XIRP2: variants seen among roughly 807,000 people sequenced by gnomAD.
XIRP2 encodes xin actin binding repeat containing 2, also known as xin actin-binding repeat-containing protein 2.
Under a neutral mutation model 277.0 loss-of-function variants are expected in XIRP2, and 236 were observed. That is an observed-to-expected ratio of 0.85 (90% confidence interval 0.77 to 0.95). The LOEUF (loss-of-function observed/expected upper bound fraction) is 0.95, where lower values mean the gene tolerates loss of function less well. XIRP2 is among the 40% of genes least tolerant of loss of function. The pLI is 0.00. For missense variants in XIRP2, 4,640 were observed against 4,157.5 expected (o/e 1.12, Z -3.19); for synonymous variants, 1,490 against 1,416.5 (o/e 1.05, Z -1.17).
At chr2:167,044,312 C>T (rs1688735759) in intron 2 of XIRP2, among the ~76,000 whole-genome samples, 1 of 152,054 alleles carries the variant, frequency 6.6e-6, no homozygotes, top group Non-Finnish European at 1.5e-5. Flanking sequence ...CAACAGTCAA[C>T]ATCCTACTGA....
At chr2:166,926,942 T>C (rs1416351836) in intron 2 of XIRP2, among the ~76,000 whole-genome samples, 3 of 152,130 alleles carry the variant, frequency 2.0e-5, no homozygotes, top group Non-Finnish European at 2.9e-5. Flanking sequence ...TTTTAAATAG[T>C]CAACTCTCAG....
At chr2:167,019,670 A>T (rs1687929522) in intron 2 of XIRP2, among the ~76,000 whole-genome samples, 1 of 152,112 alleles carries the variant, frequency 6.6e-6, no homozygotes, top group Admixed American at 6.6e-5. Context: ...AGAAGTGGCA[A>T]TGTGGTAAAA....
At chr2:166,963,506 G>A (rs936125631) in intron 2 of XIRP2, among the ~76,000 whole-genome samples, 2 of 151,870 alleles carry the variant, frequency 1.3e-5, no homozygotes, top group Non-Finnish European at 1.5e-5. Context: ...TAAAAATGTG[G>A]AGGAGGAGAG....
At chr2:167,086,871 C>A (rs568350438) in intron 2 of XIRP2, among the ~76,000 whole-genome samples, 1 of 152,104 alleles carries the variant, frequency 6.6e-6, no homozygotes, top group African/African-American at 2.4e-5. Flanking sequence ...TTTTCAACTT[C>A]TTTGCCTTTG....
intron 2 of XIRP2, among the ~76,000 whole-genome samples, chr2:166,932,319 C>T (rs1183685517): frequency 6.6e-6 from 1 of 151,742 alleles, no homozygotes; most frequent in East Asian, 1.9e-4. Context: ...AGGGCTCAAG[C>T]AGTCCTCCCT....
At chr2:167,096,465 GTCTA>G (rs1459154363) in intron 2 of XIRP2, among the ~76,000 whole-genome samples, 1 of 151,830 alleles carries the variant, frequency 6.6e-6, no homozygotes, top group African/African-American at 2.4e-5. Context: ...CTGGTTAGTG[GTCTA>G]TCTATTTTGC....
intron 5 of XIRP2, among the ~76,000 whole-genome samples, chr2:167,229,900 G>A (rs1430186909): frequency 6.6e-6 from 1 of 152,038 alleles, no homozygotes; most frequent in Non-Finnish European, 1.5e-5. Flanking sequence ...TCTTCTGCTA[G>A]GAGCTTTTTC....
Position 166,889,537 on chromosome 2 carries a change from A to C in XIRP2, c.-19+980A>C, listed in dbSNP as rs186126320. The C allele has an allele frequency of 2.0e-5, 3 of 152,476 alleles. No homozygotes were observed. In the East Asian group the frequency reaches 5.8e-4, roughly 30 times the overall value. The allele number at this position is 152,476 out of a possible 1,614,324, so 9.4% of individuals were successfully genotyped here. On this transcript the variant is annotated intron_variant, in intron 1 of 10. Transcript: ENST00000409195. Reference sequence around the variant, plus strand: ...GAGCAACCATGTTCATTTTCCCAACAATGTGGCACCATATTTTGCTTTCCT... The same window carrying C: ...GAGCAACCATGTTCATTTTCCCAACCATGTGGCACCATATTTTGCTTTCCT...
intron 4 of XIRP2, 136 bp from the exon 5 acceptor site, chr2:167,218,030 A>G (rs1272241319): frequency 1.6e-6 from 1 of 642,594 alleles, no homozygotes; most frequent in African/African-American, 1.9e-5. Flanking sequence ...TTAAAGACAT[A>G]CTGAAATAAT....
chr2:167,255,192 G>A (rs1186589537), intron 10 of XIRP2, among the ~76,000 whole-genome samples: 1 of 151,736 alleles, frequency 6.6e-6, no homozygotes, highest in Admixed American at 6.6e-5. Context: ...CCACTCCCAT[G>A]ATTTAAATAA....
intron 2 of XIRP2, among the ~76,000 whole-genome samples, chr2:167,054,612 A>T (rs1688996980): frequency 6.7e-6 from 1 of 149,918 alleles, no homozygotes; most frequent in Non-Finnish European, 1.5e-5. Context: ...TGAGCCTGGG[A>T]GGCTGAGGTT....
intron 3 of XIRP2, among the ~76,000 whole-genome samples, chr2:167,203,876 A>G (rs1693788138): frequency 6.6e-6 from 1 of 152,236 alleles, no homozygotes; most frequent in Non-Finnish European, 1.5e-5. Context: ...GCTATCCTGC[A>G]CACAAATCCA....
chr2:166,920,520 CAT>C (rs1335372767), intron 2 of XIRP2, among the ~76,000 whole-genome samples: 1 of 152,162 alleles, frequency 6.6e-6, no homozygotes, highest in Non-Finnish European at 1.5e-5. Flanking sequence ...CTAAGATACA[CAT>C]GTTTTCATGT....
chr2:166,900,333 TC>T lies in XIRP2; in HGVS notation c.-18-3131del, dbSNP rs1439004105. Among the ~76,000 whole-genome samples, 3 of 152,194 alleles carry T rather than the reference TC, an allele frequency of 2.0e-5. No individual in the cohort carries two copies. In the East Asian group the frequency reaches 5.8e-4, roughly 30 times the overall value. ...AATTCTAGAATTTTAATTCGTTTCTTCTTTGCGTCTTCTATTTGTTTGCTAA... is the reference window on the plus strand; with the variant it reads ...AATTCTAGAATTTTAATTCGTTTCTTTTTGCGTCTTCTATTTGTTTGCTAA... On this transcript the variant is annotated intron_variant, in intron 1 of 10. Coordinates refer to ENST00000409195, the MANE Select transcript of XIRP2 (RefSeq NM_152381.6).
At chr2:167,078,647 T>C (rs1354141603) in intron 2 of XIRP2, among the ~76,000 whole-genome samples, 4 of 151,952 alleles carry the variant, frequency 2.6e-5, no homozygotes, top group African/African-American at 9.7e-5. Context: ...CCATCCTGGC[T>C]AACATGGTGA....
chr2:167,250,916 C>T lies in XIRP2; in HGVS notation c.9524C>T (p.Pro3175Leu), dbSNP rs754527770. The T allele has an allele frequency of 1.2e-6, 2 of 1,613,126 alleles. No individual in the cohort carries two copies. The highest frequency in any genetic ancestry group is 1.3e-5 in the African/African-American group (1 of 74,706). Residue 3175 changes from proline to leucine, a missense_variant, in exon 9 of 11, where the codon CCC (proline) becomes CTC (leucine). Transcript: ENST00000409195. ...AGAGCAAACACTTCCCCTTCTCCAC[C>T]CAGGAGTCGCTCTGAACAACTTGTC... ...IHRANTSPSP[P>L]RSRSEQLVRL...
intron 2 of XIRP2, among the ~76,000 whole-genome samples, chr2:166,971,406 A>T (rs1686574203): frequency 6.6e-6 from 1 of 152,010 alleles, no homozygotes; most frequent in South Asian, 2.1e-4. Context: ...TAAGTAACTT[A>T]TTGGGCCTAT....
rs1257559225 is a variant in XIRP2 at position 167,245,245 on chromosome 2, G to T, written c.3853G>T (p.Asp1285Tyr). Residue 1285 changes from aspartate (D) to tyrosine (Y), a missense_variant, in exon 9 of 11, where the codon GAT becomes TAT. Transcript: ENST00000409195. ...GCFIFETFSLDEIKEESDYIS... is the reference protein window; with the variant it reads ...GCFIFETFSLYEIKEESDYIS... ...CTTTATTTTTGAGACTTTTTCTTTA[G>T]ATGAGATTAAAGAAGAATCTGACTA... The T allele has an allele frequency of 6.2e-7, 1 of 1,613,580 alleles. No individual in the cohort carries two copies. The highest frequency in any genetic ancestry group is 2.2e-5 in the East Asian group (1 of 44,838).
chr2:166,903,796 G>A lies in XIRP2; in HGVS notation c.314G>A (p.Arg105His), dbSNP rs553364503. 86 of 1,613,708 alleles carry A rather than the reference G, an allele frequency of 5.3e-5. No individual in the cohort carries two copies. The South Asian group carries it at 7.9e-4, about 15-fold the overall frequency. Residue 105 changes from arginine (R) to histidine (H), a missense_variant, in exon 2 of 11, where the codon CGC (arginine) becomes CAC (histidine). Physicochemically the swap from Arg to His is conservative, Grantham distance 29. Transcript: ENST00000409195. Reference sequence around the variant, plus strand: ...AAGGAGGATTCCCTGAGCAGTCGGCGCAGGATTGAACGCTTTTCCATTGCC... The same window carrying A: ...AAGGAGGATTCCCTGAGCAGTCGGCACAGGATTGAACGCTTTTCCATTGCC... The part of the protein sequence containing the change: ...VLKEDSLSSR[R>H]RIERFSIALD...
Sources: gnomAD v4.1 joint callset for allele counts (sites outside exome capture counted in the v4.1 genomes callset) on GRCh38, gnomAD v4.1.1 for gene constraint, MANE v1.5 for transcripts, NCBI Gene and HGNC (gene_info 2026-07-23, HGNC 2026-07-21) for gene names.